TTBK2: variants seen among roughly 807,000 people sequenced by gnomAD.
The protein encoded by TTBK2 is tau-tubulin kinase 2.
TTBK2 carries 28 observed loss-of-function variants against 110.8 expected under a neutral mutation model. The observed-to-expected ratio is 0.25, with a 90% CI of 0.19 to 0.35. TTBK2 has a LOEUF of 0.35. Among genes scored for constraint, TTBK2 ranks in the 10% least tolerant of loss-of-function variants. The pLI, the probability that TTBK2 is intolerant of heterozygous loss-of-function variation, is 1.00. For missense variants in TTBK2, 1,369 were observed against 1,500.3 expected, an observed-to-expected ratio of 0.91 and a Z score of 1.45; for synonymous variants, 532 against 527.3, an observed-to-expected ratio of 1.01 and a Z score of -0.12.
chr15:42,815,361 C>T (rs937781046), intron 7 of TTBK2, among the ~76,000 whole-genome samples: 1 of 151,980 alleles, frequency 6.6e-6, no homozygotes. Context: ...CCACAGTATA[C>T]TCTTCCTATC....
intron 1 of TTBK2, among the ~76,000 whole-genome samples, chr15:42,899,208 G>A (rs1341667944): frequency 6.6e-6 from 1 of 151,848 alleles, no homozygotes; most frequent in Non-Finnish European, 1.5e-5. Flanking sequence ...ATATTGCCCA[G>A]GCTGGTCTCG....
intron 6 of TTBK2, among the ~76,000 whole-genome samples, chr15:42,825,858 T>C (rs1200675201): frequency 6.6e-6 from 1 of 152,130 alleles, no homozygotes; most frequent in African/African-American, 2.4e-5. Flanking sequence ...GTAAGCTGTA[T>C]TTGTCAGTGC....
intron 9 of TTBK2, chr15:42,802,177 T>A (rs1891246260): frequency 7.7e-7 from 1 of 1,291,486 alleles, no homozygotes. Flanking sequence ...GGGGTCCACC[T>A]CCAGGTTAAG....
intron 1 of TTBK2, among the ~76,000 whole-genome samples, chr15:42,912,571 C>T (rs1028289989): frequency 6.6e-6 from 1 of 151,880 alleles, no homozygotes; most frequent in Admixed American, 6.6e-5. Context: ...ATTAGCTGGG[C>T]CTGGTGGCGG....
At chr15:42,754,550 C>G (rs1403896755) in intron 13 of TTBK2, among the ~76,000 whole-genome samples, 1 of 151,508 alleles carries the variant, frequency 6.6e-6, no homozygotes, top group African/African-American at 2.4e-5. Context: ...GTGCCCACCA[C>G]TATGCCCAGC....
intron 11 of TTBK2, among the ~76,000 whole-genome samples, chr15:42,781,229 CATT>C (rs1890165225): frequency 6.6e-6 from 1 of 151,524 alleles, no homozygotes; most frequent in Non-Finnish European, 1.5e-5. Flanking sequence ...TAGAAATAGT[CATT>C]ATATAAAGAA....
chr15:42,846,540 T>A (rs1273910911), intron 3 of TTBK2, among the ~76,000 whole-genome samples: 1 of 152,210 alleles, frequency 6.6e-6, no homozygotes, highest in Non-Finnish European at 1.5e-5. Flanking sequence ...AATGCATGGA[T>A]GTGGAACCCA....
At chr15:42,771,856 G>A (rs1889692204) in intron 13 of TTBK2, among the ~76,000 whole-genome samples, 1 of 152,086 alleles carries the variant, frequency 6.6e-6, no homozygotes, top group Non-Finnish European at 1.5e-5. Flanking sequence ...CACGAGGGAC[G>A]GAACACCAAG....
chr15:42,909,733 C>T (rs1395410998), intron 1 of TTBK2, among the ~76,000 whole-genome samples: 2 of 152,064 alleles, frequency 1.3e-5, no homozygotes, highest in Non-Finnish European at 2.9e-5. Flanking sequence ...ACAATATGAG[C>T]CCTTTTACAT....
intron 6 of TTBK2, among the ~76,000 whole-genome samples, chr15:42,821,483 T>C (rs1310096128): frequency 6.6e-6 from 1 of 152,200 alleles, no homozygotes; most frequent in Non-Finnish European, 1.5e-5. Flanking sequence ...CATAAAGTCA[T>C]ATAACTACCA....
chr15:42,803,791 T>C (rs773007462), intron 9 of TTBK2, among the ~76,000 whole-genome samples: 1 of 151,936 alleles, frequency 6.6e-6, no homozygotes, highest in Non-Finnish European at 1.5e-5. Flanking sequence ...AGCACTCTGG[T>C]AGGCCAAGGC....
chr15:42,807,949 C>A (rs1195574454), intron 9 of TTBK2, among the ~76,000 whole-genome samples: 1 of 151,916 alleles, frequency 6.6e-6, no homozygotes, highest in African/African-American at 2.4e-5. Flanking sequence ...TTAAATTTGC[C>A]TAACATTTGT....
chr15:42,872,640 A>G lies in TTBK2; in HGVS notation c.188T>C (p.Met63Thr). 6.2e-7 allele frequency: 1 copy of G among 1,614,070 alleles called. No homozygotes were observed. Among genetic ancestry groups the G allele is most frequent in the Non-Finnish European group, 8.5e-7 (1 of 1,180,000 alleles). ...CAGCTTTTTCAAAACAGCAACTTCC[A>G]TTTTCAGAACTTGTTTTGGTTGTTG... ...SAQQPKQVLKMEVAVLKKLQG... is the reference protein window; with the variant it reads ...SAQQPKQVLKTEVAVLKKLQG... Residue 63 changes from methionine (M) to threonine (T), a missense_variant, in exon 3 of 15, where the codon ATG becomes ACG. Physicochemically the swap from Met to Thr is moderately conservative, Grantham distance 81 (BLOSUM62 -1). Around this residue, in one of 4 missense-constraint regions of TTBK2, gnomAD observed 122 missense variants for 159.7 expected, o/e 0.76. Transcript: ENST00000267890.
chr15:42,783,323 T>C, intron 11 of TTBK2, 96 bp downstream of exon 11: 1 of 1,218,206 alleles, frequency 8.2e-7, no homozygotes, highest in South Asian at 1.2e-5. Flanking sequence ...AAAACAGCCC[T>C]CACCAGATAC....
intron 2 of TTBK2, among the ~76,000 whole-genome samples, chr15:42,874,955 C>T (rs539063020): frequency 7.3e-4 from 97 of 133,066 alleles, no homozygotes; most frequent in African/African-American, 2.6e-3. Context: ...CATTGCACTC[C>T]AGCCTGGGCA....
At chr15:42,813,833 G>A (rs1891827848) in intron 7 of TTBK2, among the ~76,000 whole-genome samples, 1 of 151,598 alleles carries the variant, frequency 6.6e-6, no homozygotes, top group African/African-American at 2.4e-5. Context: ...GCGAAGGAGG[G>A]CGAGAGAGCA....
intron 14 of TTBK2, among the ~76,000 whole-genome samples, chr15:42,748,644 C>T (rs2140568933): frequency 6.6e-6 from 1 of 151,992 alleles, no homozygotes; most frequent in Admixed American, 6.6e-5. Flanking sequence ...AACTCCTGAG[C>T]TCAAGCAATC....
rs934704333 is a variant in TTBK2, at chr15:42,830,190, A to T, written c.292-112T>A. On this transcript the variant is annotated intron_variant, in intron 4 of 14. Transcript: ENST00000267890. ...AGATGTTTTCAGCAAAATAGCAAGAATTTTTTTTTTTTTTGAGAGGGAGTT... is the reference window on the plus strand; with the variant it reads ...AGATGTTTTCAGCAAAATAGCAAGATTTTTTTTTTTTTTTGAGAGGGAGTT... 24 of 1,112,702 alleles carry T rather than the reference A, an allele frequency of 2.2e-5. No homozygotes were observed. In the South Asian group the frequency reaches 2.9e-4, roughly 13 times the overall value. 68.9% of individuals were successfully genotyped at this position (1,112,702 alleles called of 1,614,324 possible).
rs1376547573 is a variant in TTBK2, at chr15:42,781,767, T to C, written c.1197+1652A>G. 3.3e-5 allele frequency among the ~76,000 whole-genome samples: 5 copies of C among 152,162 alleles called. No individual in the cohort carries two copies. In the South Asian group the frequency reaches 1.0e-3, roughly 32 times the overall value. ...CATAGTATGTGTGATTTCAATTATT[T>C]AAACTTATTAAGGTTTGTTTTGTAG... On this transcript the variant is annotated intron_variant, in intron 11 of 14. Coordinates refer to ENST00000267890, the MANE Select transcript of TTBK2 (RefSeq NM_173500.4).
Sources: allele counts gnomAD v4.1 joint callset (sites outside exome capture counted in the v4.1 genomes callset), GRCh38; gene constraint gnomAD v4.1.1; regional missense constraint gnomAD v4.1.1; transcripts MANE v1.5; gene names NCBI Gene and HGNC (gene_info 2026-07-23, HGNC 2026-07-21).